TNIK: variants seen among roughly 807,000 people sequenced by gnomAD.
TNIK encodes TRAF2 and NCK-interacting protein kinase.
Under a neutral mutation model 191.3 loss-of-function variants are expected in TNIK, and 49 were observed. The ratio of observed to expected loss-of-function variants is 0.26; its 90% CI spans 0.20 to 0.32. The LOEUF (loss-of-function observed/expected upper bound fraction) is 0.32, where lower values mean the gene tolerates loss of function less well. Ranked by LOEUF, TNIK falls within the 10% of genes least tolerant of loss-of-function variation. The probability of loss-of-function intolerance (pLI) is 1.00; values close to 1 mark genes in which losing one functional copy is unlikely to be tolerated. For missense variants in TNIK, 1,155 were observed against 1,702.3 expected, an observed-to-expected ratio of 0.68 and a Z score of 5.66; for synonymous variants, 594 against 600.9, an observed-to-expected ratio of 0.99 and a Z score of 0.17.
chr3:171,315,446 C>A (rs1055852029), intron 2 of TNIK, among the ~76,000 whole-genome samples: 3 of 152,202 alleles, frequency 2.0e-5, no homozygotes, highest in East Asian at 1.9e-4. Flanking sequence ...CACATTAGTG[C>A]ACCATGGTGT....
intron 19 of TNIK, among the ~76,000 whole-genome samples, chr3:171,109,133 A>G (rs1175447742): frequency 6.6e-6 from 1 of 152,222 alleles, no homozygotes; most frequent in Non-Finnish European, 1.5e-5. Flanking sequence ...GAAGTTGCCT[A>G]TAAATAGAAA....
intron 15 of TNIK, among the ~76,000 whole-genome samples, chr3:171,137,487 G>T (rs1730195936): frequency 6.6e-6 from 1 of 152,134 alleles, no homozygotes; most frequent in Non-Finnish European, 1.5e-5. Context: ...CCCTGGAAAG[G>T]TTGCTGATTT....
chr3:171,311,114 G>T (rs2108299983), intron 2 of TNIK, among the ~76,000 whole-genome samples: 1 of 151,866 alleles, frequency 6.6e-6, no homozygotes, highest in Non-Finnish European at 1.5e-5. Flanking sequence ...AAATATAAAA[G>T]CATGTCCCCA....
At chr3:171,253,191 G>A (rs1306621835) in intron 2 of TNIK, among the ~76,000 whole-genome samples, 1 of 151,558 alleles carries the variant, frequency 6.6e-6, no homozygotes, top group African/African-American at 2.4e-5. Flanking sequence ...GGTTGAGGCA[G>A]GAGAATGGCG....
At chr3:171,264,725 A>G (rs759036506) in intron 2 of TNIK, among the ~76,000 whole-genome samples, 1 of 152,190 alleles carries the variant, frequency 6.6e-6, no homozygotes, top group Admixed American at 6.5e-5. Flanking sequence ...TGCACAGCTT[A>G]AAGTACAATT....
intron 30 of TNIK, 91 bp downstream of exon 30, chr3:171,068,757 T>A (rs1718790716): frequency 1.5e-6 from 2 of 1,337,006 alleles, no homozygotes; most frequent in Non-Finnish European, 9.9e-7. Flanking sequence ...AAAGTGTGCA[T>A]GACTTCTACT....
At chr3:171,326,305 T>A (rs892861302) in intron 2 of TNIK, among the ~76,000 whole-genome samples, 31 of 152,354 alleles carry the variant, frequency 2.0e-4, no homozygotes, top group African/African-American at 7.2e-4. Context: ...TGTTAATCTT[T>A]GAATTGCCTT....
intron 18 of TNIK, among the ~76,000 whole-genome samples, chr3:171,119,153 A>G (rs933890832): frequency 1.3e-5 from 2 of 152,248 alleles, no homozygotes; most frequent in African/African-American, 4.8e-5. Flanking sequence ...ACACTTCTCA[A>G]AAGAAGATAT....
chr3:171,323,779 ACTGTCT>A (rs1314389135), intron 2 of TNIK, among the ~76,000 whole-genome samples: 1 of 152,170 alleles, frequency 6.6e-6, no homozygotes, highest in Non-Finnish European at 1.5e-5. Flanking sequence ...ACACCACCTG[ACTGTCT>A]CTGTCTTCAA....
At chr3:171,260,968 G>T (rs950236738) in intron 2 of TNIK, among the ~76,000 whole-genome samples, 1 of 152,080 alleles carries the variant, frequency 6.6e-6, no homozygotes, top group Non-Finnish European at 1.5e-5. Flanking sequence ...TTATATAAAG[G>T]TTTATCTTAC....
chr3:171,129,663 T>G (rs952248469), intron 15 of TNIK, among the ~76,000 whole-genome samples: 2 of 152,224 alleles, frequency 1.3e-5, no homozygotes, highest in East Asian at 3.8e-4. Context: ...TTCATTTCCT[T>G]GTCATTCCCT....
At chr3:171,248,486 A>C (rs1164206316) in intron 2 of TNIK, among the ~76,000 whole-genome samples, 3 of 152,198 alleles carry the variant, frequency 2.0e-5, no homozygotes, top group African/African-American at 7.2e-5. Flanking sequence ...AAAATGATTA[A>C]ACTAAGAAAT....
chr3:171,075,214 A>T (rs1197010195), intron 28 of TNIK, among the ~76,000 whole-genome samples: 6 of 152,258 alleles, frequency 3.9e-5, no homozygotes, highest in African/African-American at 1.4e-4. Context: ...TCTTTGGACT[A>T]ACAAATGCCA....
intron 28 of TNIK, among the ~76,000 whole-genome samples, chr3:171,074,445 A>G (rs1189255715): frequency 5.3e-5 from 8 of 152,178 alleles, no homozygotes; most frequent in Admixed American, 5.2e-4. Flanking sequence ...TGGAAGCCCA[A>G]GCCTCACCAT....
chr3:171,408,964 T>G (rs1173216455), intron 1 of TNIK, among the ~76,000 whole-genome samples: 1 of 152,164 alleles, frequency 6.6e-6, no homozygotes, highest in Admixed American at 6.5e-5. Flanking sequence ...GGGAGTTTCT[T>G]TCTACCCCAC....
intron 25 of TNIK, 123 bp from the exon 26 acceptor site, chr3:171,084,448 G>A: frequency 2.7e-6 from 3 of 1,130,312 alleles, no homozygotes; most frequent in Non-Finnish European, 3.7e-6. Flanking sequence ...AGGAAACTCT[G>A]AAACTCTCCT....
At chr3:171,302,546 A>G (rs555469907) in intron 2 of TNIK, among the ~76,000 whole-genome samples, 1 of 152,292 alleles carries the variant, frequency 6.6e-6, no homozygotes, top group African/African-American at 2.4e-5. Context: ...CCATAACCAA[A>G]CCTTGGCTCC....
intron 22 of TNIK, among the ~76,000 whole-genome samples, chr3:171,097,738 T>G (rs192835940): frequency 1.9e-3 from 285 of 152,324 alleles, no homozygotes; most frequent in African/African-American, 6.7e-3. Context: ...TTTATAACTT[T>G]ATACACTCTC....
intron 2 of TNIK, among the ~76,000 whole-genome samples, chr3:171,307,109 A>C (rs1753540141): frequency 6.6e-6 from 1 of 152,206 alleles, no homozygotes; most frequent in Non-Finnish European, 1.5e-5. Flanking sequence ...CCCTAATACC[A>C]AATCGTCCTT....
Sources: allele counts gnomAD v4.1 joint callset (sites outside exome capture counted in the v4.1 genomes callset), GRCh38; gene constraint gnomAD v4.1.1; transcripts MANE v1.5; gene names NCBI Gene and HGNC (gene_info 2026-07-23, HGNC 2026-07-21).